BCKDHB: variants seen among roughly 807,000 people sequenced by gnomAD.
BCKDHB encodes branched chain keto acid dehydrogenase E1 subunit beta.
BCKDHB carries 41 observed loss-of-function variants against 48.5 expected under a neutral mutation model. The ratio of observed to expected loss-of-function variants is 0.85; its 90% CI spans 0.66 to 1.10. The LOEUF is 1.10. Among genes scored for constraint, BCKDHB ranks in the 50% least tolerant of loss-of-function variants. The pLI is 0.00. For missense variants in BCKDHB, 496 were observed against 494.2 expected (o/e 1.00, Z -0.03); for synonymous variants, 201 against 174.8 (o/e 1.15, Z -1.18).
intron 3 of BCKDHB, among the ~76,000 whole-genome samples, chr6:80,151,417 A>T (rs1232700954): frequency 6.8e-6 from 1 of 147,436 alleles, no homozygotes; most frequent in Non-Finnish European, 1.5e-5. Flanking sequence ...TTTTAAAACT[A>T]ACTTTTTTTT....
At chr6:80,190,034 C>G (rs942283875) in intron 6 of BCKDHB, among the ~76,000 whole-genome samples, 4 of 151,936 alleles carry the variant, frequency 2.6e-5, no homozygotes, top group African/African-American at 9.7e-5. Flanking sequence ...AATTTATGTT[C>G]AAGAAAAATA....
chr6:80,424,669 C>T, the BCKDHB span, among the ~76,000 whole-genome samples: 1 of 152,120 alleles, frequency 6.6e-6, no homozygotes, highest in Non-Finnish European at 1.5e-5. Context: ...ATTGACACCT[C>T]ATGTAGAATT....
chr6:80,359,813 A>G, the BCKDHB span, among the ~76,000 whole-genome samples: 4,896 of 152,162 alleles, frequency 0.032, 105 homozygotes, highest in Middle Eastern at 0.061. Flanking sequence ...GGCTGGTCTC[A>G]AACTCCTGAC....
chr6:80,140,781 T>C (rs1282474399), intron 3 of BCKDHB, among the ~76,000 whole-genome samples: 2 of 152,202 alleles, frequency 1.3e-5, no homozygotes, highest in African/African-American at 2.4e-5. Flanking sequence ...TGGTTGTGTC[T>C]CTGCCTGGCT....
At chr6:80,389,012 T>G in the BCKDHB span, among the ~76,000 whole-genome samples, 1 of 152,116 alleles carries the variant, frequency 6.6e-6, no homozygotes, top group African/African-American at 2.4e-5. Context: ...AGAAGCATGA[T>G]TGGAAAATTG....
At chr6:80,327,562 C>T (rs545016247) in intron 9 of BCKDHB, among the ~76,000 whole-genome samples, 1 of 152,278 alleles carries the variant, frequency 6.6e-6, no homozygotes, top group Admixed American at 6.5e-5. Context: ...AGGAAACTTG[C>T]AGTCTTTTGC....
At chr6:80,452,924 C>A in the BCKDHB span, among the ~76,000 whole-genome samples, 1 of 151,998 alleles carries the variant, frequency 6.6e-6, no homozygotes, top group African/African-American at 2.4e-5. Context: ...CAGTTAGTGC[C>A]GTCTTCTTGT....
intron 8 of BCKDHB, among the ~76,000 whole-genome samples, chr6:80,268,206 C>T (rs1008371781): frequency 1.3e-5 from 2 of 152,036 alleles, no homozygotes; most frequent in African/African-American, 4.8e-5. Flanking sequence ...ATGCACTTGG[C>T]TACAAAACAA....
chr6:80,150,894 A>C (rs1019813677), intron 3 of BCKDHB, among the ~76,000 whole-genome samples: 7 of 151,942 alleles, frequency 4.6e-5, no homozygotes, highest in Non-Finnish European at 8.8e-5. Context: ...TTTTTATTTA[A>C]CTTCTTAGCT....
the BCKDHB span, among the ~76,000 whole-genome samples, chr6:80,358,782 C>G: frequency 6.6e-6 from 1 of 152,164 alleles, no homozygotes; most frequent in South Asian, 2.1e-4. Context: ...GCGATGGGGA[C>G]TAAATAGAGG....
intron 3 of BCKDHB, among the ~76,000 whole-genome samples, chr6:80,147,278 C>T (rs916655907): frequency 2.6e-5 from 4 of 152,110 alleles, no homozygotes; most frequent in African/African-American, 9.7e-5. Context: ...TTAAACCTGA[C>T]ATTGTGATTA....
At chr6:80,237,671 G>A (rs987418811) in intron 8 of BCKDHB, among the ~76,000 whole-genome samples, 4 of 152,162 alleles carry the variant, frequency 2.6e-5, no homozygotes, top group African/African-American at 7.2e-5. Context: ...ACATTAACCA[G>A]TAAGTTGGCA....
At chr6:80,161,453 G>A (rs1489617458) in intron 3 of BCKDHB, among the ~76,000 whole-genome samples, 1 of 152,076 alleles carries the variant, frequency 6.6e-6, no homozygotes, top group Non-Finnish European at 1.5e-5. Context: ...AAAAAAATGT[G>A]ATTTCTAAAT....
intron 8 of BCKDHB, among the ~76,000 whole-genome samples, chr6:80,214,218 A>C (rs1313660553): frequency 1.3e-5 from 2 of 152,174 alleles, no homozygotes; most frequent in Non-Finnish European, 1.5e-5. Context: ...ATGAAGGACC[A>C]AGTTTGTTTA....
intron 8 of BCKDHB, among the ~76,000 whole-genome samples, chr6:80,256,351 T>C (rs1013708821): frequency 6.6e-6 from 1 of 152,152 alleles, no homozygotes; most frequent in African/African-American, 2.4e-5. Context: ...AGCCTACTGC[T>C]CCTAGACTAT....
At chr6:80,323,991 C>T (rs1021302461) in intron 9 of BCKDHB, among the ~76,000 whole-genome samples, 2 of 152,136 alleles carry the variant, frequency 1.3e-5, no homozygotes, top group African/African-American at 4.8e-5. Context: ...CCAGGGTGGT[C>T]TCGATCTCCT....
the BCKDHB span, among the ~76,000 whole-genome samples, chr6:80,403,476 TG>T: frequency 6.6e-6 from 1 of 151,966 alleles, no homozygotes; most frequent in South Asian, 2.1e-4. Context: ...AATAGTTTTT[TG>T]GTGGATTCTT....
At chr6:80,298,794 G>A (rs1767400375) in intron 9 of BCKDHB, among the ~76,000 whole-genome samples, 1 of 152,136 alleles carries the variant, frequency 6.6e-6, no homozygotes, top group African/African-American at 2.4e-5. Flanking sequence ...GTTCAGTGAG[G>A]CCAAAGAAAG....
intron 3 of BCKDHB, among the ~76,000 whole-genome samples, chr6:80,135,528 T>C (rs1226934892): frequency 6.6e-6 from 1 of 152,144 alleles, no homozygotes; most frequent in Non-Finnish European, 1.5e-5. Flanking sequence ...GGATTGTTAG[T>C]AGCTTTAAAT....
Sources: allele counts gnomAD v4.1 joint callset (sites outside exome capture counted in the v4.1 genomes callset), GRCh38; gene constraint gnomAD v4.1.1; transcripts MANE v1.5; gene names NCBI Gene and HGNC (gene_info 2026-07-23, HGNC 2026-07-21).